The following OXCT1 variants were observed in gnomAD, a reference collection of about 807,000 sequenced individuals.
OXCT1 encodes 3-oxoacid CoA-transferase 1, also known as succinyl-CoA:3-ketoacid coenzyme A transferase 1, mitochondrial.
A neutral mutation model predicts 69.6 loss-of-function variants in OXCT1; 27 were observed. That is an observed-to-expected ratio of 0.39 (90% CI 0.29 to 0.54). The LOEUF is 0.54. Among genes scored for constraint, OXCT1 ranks in the 20% least tolerant of loss-of-function variants. The pLI is 0.72. For missense variants in OXCT1, 437 were observed against 650.2 expected, an observed-to-expected ratio of 0.67 and a Z score of 3.57; for synonymous variants, 202 against 217.8, an observed-to-expected ratio of 0.93 and a Z score of 0.64.
In OXCT1 at chr5:41,749,563, A is replaced by G. The variant is rs780301822; in HGVS notation, c.1383T>C (p.Thr461=). 2.5e-6 allele frequency: 4 copies of G among 1,609,688 alleles called. No individual in the cohort carries two copies. Among genetic ancestry groups the G allele is most frequent in the Admixed American group, 1.7e-5 (1 of 59,826 alleles). Residue 461 remains threonine (T), a synonymous_variant, in exon 15 of 17, where the codon ACT becomes ACC. Coordinates refer to ENST00000196371, the MANE Select transcript of OXCT1 (RefSeq NM_000436.4). ...KIMEKCTLPL[T]GKQCVNRIIT... is the part of the protein sequence containing the mutation. Reference sequence around the variant, plus strand: ...TAATGCGGTTGACACATTGCTTTCCAGTCAATGGTAATGTACATTTCTCCA... The same window carrying G: ...TAATGCGGTTGACACATTGCTTTCCGGTCAATGGTAATGTACATTTCTCCA...
intron 14 of OXCT1, 36 bp from the exon 15 acceptor site, chr5:41,749,643 G>C (rs1347114929): frequency 7.5e-7 from 1 of 1,332,432 alleles, no homozygotes. Context: ...AGAGTAGTTA[G>C]GGAGCAATTT....
At chr5:41,731,887 C>T (rs1164340876) in intron 16 of OXCT1, 117 bp from the exon 17 acceptor site, 5 of 1,180,964 alleles carry the variant, frequency 4.2e-6, no homozygotes, top group Non-Finnish European at 6.1e-6. Context: ...ATGGACATTC[C>T]CTGGAGTTTC....
intron 14 of OXCT1, 78 bp from the exon 15 acceptor site, chr5:41,749,685 CAG>C: frequency 2.4e-6 from 2 of 840,828 alleles, no homozygotes; most frequent in Middle Eastern, 2.7e-4. Flanking sequence ...ATAGGATAAA[CAG>C]AAACTATCAG....
intron 13 of OXCT1, among the ~76,000 whole-genome samples, chr5:41,791,372 A>C (rs1437925471): frequency 4.6e-5 from 7 of 152,210 alleles, no homozygotes; most frequent in Non-Finnish European, 8.8e-5. Context: ...TGTTCATCCC[A>C]CTAGGTCCAT....
At chr5:41,837,605 G>A (rs1449343677) in intron 7 of OXCT1, among the ~76,000 whole-genome samples, 1 of 146,276 alleles carries the variant, frequency 6.8e-6, no homozygotes, top group Admixed American at 6.8e-5. Flanking sequence ...GTCAAGGAAG[G>A]TCTGGGATAG....
intron 5 of OXCT1, among the ~76,000 whole-genome samples, chr5:41,849,414 A>G (rs955785132): frequency 2.0e-5 from 3 of 152,198 alleles, no homozygotes; most frequent in African/African-American, 7.2e-5. Context: ...ATTTTCTCCA[A>G]CCTGAGCATC....
chr5:41,800,488 G>A, intron 11 of OXCT1, among the ~76,000 whole-genome samples: 1 of 151,720 alleles, frequency 6.6e-6, no homozygotes, highest in East Asian at 2.0e-4. Context: ...CAACCCAGCA[G>A]AGGACACTCT....
chr5:41,765,910 C>T (rs1744575385), intron 13 of OXCT1, among the ~76,000 whole-genome samples: 1 of 152,012 alleles, frequency 6.6e-6, no homozygotes, highest in Non-Finnish European at 1.5e-5. Context: ...CCTAATTCAA[C>T]ATACAGAACA....
chr5:41,761,047 G>A (rs1744322393), intron 14 of OXCT1, among the ~76,000 whole-genome samples: 1 of 152,034 alleles, frequency 6.6e-6, no homozygotes, highest in African/African-American at 2.4e-5. Flanking sequence ...AGTGAGAAGA[G>A]GTAGATTTTA....
chr5:41,784,670 G>A (rs1180363010), intron 13 of OXCT1, among the ~76,000 whole-genome samples: 1 of 152,112 alleles, frequency 6.6e-6, no homozygotes, highest in African/African-American at 2.4e-5. Flanking sequence ...TAACTCCCTT[G>A]GCCTGAATCT....
intron 7 of OXCT1, among the ~76,000 whole-genome samples, chr5:41,817,375 T>C (rs148729387): frequency 8.7e-4 from 132 of 152,320 alleles, no homozygotes; most frequent in Middle Eastern, 3.4e-3. Context: ...AATGAAAAAG[T>C]TGAACTGTAA....
intron 16 of OXCT1, among the ~76,000 whole-genome samples, chr5:41,734,362 C>A (rs1742784497): frequency 6.6e-6 from 1 of 152,116 alleles, no homozygotes; most frequent in Admixed American, 6.5e-5. Context: ...GGTCCACAGA[C>A]ATATGGTTTA....
At chr5:41,862,891 A>T (rs1749807975) in intron 1 of OXCT1, 141 bp from the exon 2 acceptor site, 2 of 624,264 alleles carry the variant, frequency 3.2e-6, no homozygotes, top group African/African-American at 1.8e-5. Context: ...GCCAGGTAAT[A>T]ACTGTATATA....
rs1023775878 is a variant in OXCT1, at chr5:41,850,318, C to CATAT, written c.415-140_415-139insATAT. ...TAGCATTGTACATTAGCATACTTCA[C>CATAT]TAATATTGTATGCTAGAAGATCAAT... On this transcript the variant is annotated intron_variant, in intron 4 of 16. Coordinates refer to ENST00000196371, the MANE Select transcript of OXCT1 (RefSeq NM_000436.4). 4 of 911,736 alleles carry CATAT rather than the reference C, an allele frequency of 4.4e-6. No individual in the cohort carries two copies. The African/African-American group carries it at 6.6e-5, about 15-fold the overall frequency. 56.5% of individuals were successfully genotyped at this position (911,736 alleles called of 1,614,324 possible).
intron 7 of OXCT1, among the ~76,000 whole-genome samples, chr5:41,819,828 G>C (rs1307035963): frequency 6.6e-6 from 1 of 152,136 alleles, no homozygotes; most frequent in Non-Finnish European, 1.5e-5. Flanking sequence ...GGGTATAGCT[G>C]CTGGCCATGG....
intron 7 of OXCT1, among the ~76,000 whole-genome samples, chr5:41,808,309 C>T (rs1420330071): frequency 6.6e-6 from 1 of 151,936 alleles, no homozygotes; most frequent in East Asian, 1.9e-4. Context: ...ATACAGTGTC[C>T]AAAACAAACG....
Position 41,749,583 on chromosome 5 carries a change from T to C in OXCT1, c.1363A>G (p.Lys455Glu). Residue 455 changes from lysine to glutamate, a missense_variant, in exon 15 of 17, where the codon AAA becomes GAA. By Grantham distance (56) the Lys-to-Glu change is moderately conservative (BLOSUM62 1). Coordinates refer to ENST00000196371, the MANE Select transcript of OXCT1 (RefSeq NM_000436.4). Reference sequence around the variant, plus strand: ...TTTCCAGTCAATGGTAATGTACATTTCTCCATGATTTTATGTGCATTTCCC... The same window carrying C: ...TTTCCAGTCAATGGTAATGTACATTCCTCCATGATTTTATGTGCATTTCCC... ...AKGNAHKIMEKCTLPLTGKQC... is the reference protein window; with the variant it reads ...AKGNAHKIMEECTLPLTGKQC... 6.2e-7 allele frequency: 1 copy of C among 1,608,502 alleles called. No homozygotes were observed.
intron 13 of OXCT1, among the ~76,000 whole-genome samples, chr5:41,763,768 T>G (rs1293013776): frequency 6.6e-6 from 1 of 151,624 alleles, no homozygotes; most frequent in African/African-American, 2.4e-5. Flanking sequence ...AGCTAGAGAG[T>G]TAACAACTCT....
At chr5:41,789,806 A>T (rs1426105356) in intron 13 of OXCT1, among the ~76,000 whole-genome samples, 1 of 152,200 alleles carries the variant, frequency 6.6e-6, no homozygotes, top group Non-Finnish European at 1.5e-5. Context: ...ATATATTTAA[A>T]TATCTATATT....
Sources: allele counts gnomAD v4.1 joint callset (sites outside exome capture counted in the v4.1 genomes callset), GRCh38; gene constraint gnomAD v4.1.1; transcripts MANE v1.5; gene names NCBI Gene and HGNC (gene_info 2026-07-23, HGNC 2026-07-21).